Variants in PDE3B observed in about 807,000 individuals in gnomAD.
PDE3B encodes cGMP-inhibited 3',5'-cyclic phosphodiesterase 3B.
In PDE3B, 66 loss-of-function variants were observed where a neutral mutation model predicts 116.8. The observed-to-expected ratio is 0.56, with a 90% CI of 0.46 to 0.69. The LOEUF is 0.69. Among genes scored for constraint, PDE3B ranks in the 30% least tolerant of loss-of-function variants. The probability of loss-of-function intolerance (pLI) is 0.00; values close to 1 mark genes in which losing one functional copy is unlikely to be tolerated. For missense variants in PDE3B, 1,384 were observed against 1,368.1 expected, an observed-to-expected ratio of 1.01 and a Z score of -0.18; for synonymous variants, 595 against 533.6, an observed-to-expected ratio of 1.12 and a Z score of -1.59.
chr11:14,768,192 A>G (rs964037706), intron 1 of PDE3B, among the ~76,000 whole-genome samples: 1 of 151,592 alleles, frequency 6.6e-6, no homozygotes, highest in African/African-American at 2.4e-5. Context: ...TTACCTTCCT[A>G]AATTCATCTT....
Position 14,832,793 on chromosome 11 carries a change from C to A in PDE3B, c.2166C>A (p.Asn722Lys). ...IFKIPTQQFM[N>K]YFRALENGYR... ...AAATTCCCACTCAACAATTTATGAA[C>A]TATTTTCGTGCATTAGAAAATGGCT... The change falls in exon 10 of 16, where the codon AAC becomes AAA. Residue 722 changes from asparagine to lysine, a missense_variant. Physicochemically the swap from Asn to Lys is moderately conservative, Grantham distance 94 (BLOSUM62 0). Around this residue, in one of 2 missense-constraint regions of PDE3B, gnomAD observed 428 missense variants for 561.4 expected, o/e 0.76. Coordinates refer to ENST00000282096, the MANE Select transcript of PDE3B (RefSeq NM_000922.4). The A allele has an allele frequency of 6.5e-7, 1 of 1,538,428 alleles. No individual in the cohort carries two copies. The highest frequency in any genetic ancestry group is 8.9e-7 in the Non-Finnish European group (1 of 1,120,552).
chr11:14,670,243 C>T (rs186221281), intron 1 of PDE3B, among the ~76,000 whole-genome samples: 1 of 152,106 alleles, frequency 6.6e-6, no homozygotes. Context: ...TTATCTAATA[C>T]CGGCTCAGTT....
At chr11:14,880,840 T>G in the PDE3B span, 1 of 1,434,694 alleles carries the variant, frequency 7.0e-7, no homozygotes, top group East Asian at 2.5e-5. Flanking sequence ...GAACAAAATT[T>G]TTTTAATGGA....
intron 5 of PDE3B, among the ~76,000 whole-genome samples, chr11:14,807,254 A>G (rs991322432): frequency 6.6e-6 from 1 of 152,172 alleles, no homozygotes; most frequent in Non-Finnish European, 1.5e-5. Flanking sequence ...CTTAAAGTAT[A>G]ATAATAATAA....
intron 1 of PDE3B, among the ~76,000 whole-genome samples, chr11:14,697,711 A>G (rs1855251519): frequency 1.3e-5 from 2 of 152,118 alleles, no homozygotes; most frequent in Non-Finnish European, 2.9e-5. Context: ...TTGAACCATG[A>G]GCATGATATA....
intron 1 of PDE3B, among the ~76,000 whole-genome samples, chr11:14,663,255 T>G (rs960746536): frequency 1.3e-5 from 2 of 152,062 alleles, no homozygotes; most frequent in Non-Finnish European, 1.5e-5. Context: ...GACAAGCAAA[T>G]GCTGAGAGAT....
At chr11:14,849,914 G>T (rs1422010533) in intron 12 of PDE3B, among the ~76,000 whole-genome samples, 4 of 151,904 alleles carry the variant, frequency 2.6e-5, no homozygotes, top group Non-Finnish European at 5.9e-5. Flanking sequence ...TTCAACCATT[G>T]TGGAAGTCAG....
intron 12 of PDE3B, among the ~76,000 whole-genome samples, chr11:14,850,973 A>G (rs543868553): frequency 1.2e-4 from 16 of 134,940 alleles, no homozygotes; most frequent in Admixed American, 5.3e-4. Context: ...GGACTACCAC[A>G]CCCAGCTATT....
intron 1 of PDE3B, among the ~76,000 whole-genome samples, chr11:14,713,797 C>T (rs1054648342): frequency 1.3e-5 from 2 of 151,996 alleles, no homozygotes; most frequent in African/African-American, 4.8e-5. Flanking sequence ...GGAAAGGCAT[C>T]ACAGAGGAGG....
chr11:14,843,062 T>C (rs1475769766), intron 11 of PDE3B, among the ~76,000 whole-genome samples: 1 of 152,204 alleles, frequency 6.6e-6, no homozygotes, highest in East Asian at 1.9e-4. Context: ...TTCCTTCTTA[T>C]ACTTTTTAAA....
intron 1 of PDE3B, among the ~76,000 whole-genome samples, chr11:14,756,266 C>G (rs773156515): frequency 5.9e-5 from 9 of 152,028 alleles, no homozygotes; most frequent in Non-Finnish European, 1.0e-4. Flanking sequence ...GGGAGTGTAT[C>G]AGTCAGGGTC....
intron 1 of PDE3B, among the ~76,000 whole-genome samples, chr11:14,722,126 A>G (rs1856127983): frequency 6.7e-6 from 1 of 149,440 alleles, no homozygotes; most frequent in Admixed American, 6.7e-5. Flanking sequence ...ACATGGACAC[A>G]GGAAGGGGAA....
chr11:14,689,214 G>A (rs994168220), intron 1 of PDE3B, among the ~76,000 whole-genome samples: 12 of 152,072 alleles, frequency 7.9e-5, no homozygotes, highest in African/African-American at 2.9e-4. Flanking sequence ...AAAATATATC[G>A]CTGAGGGTTA....
downstream of PDE3B, among the ~76,000 whole-genome samples, chr11:14,875,022 C>T (rs187064459): frequency 6.6e-6 from 1 of 152,224 alleles, no homozygotes; most frequent in East Asian, 1.9e-4. Context: ...GCACCACCAT[C>T]TCCTTGGCAT....
chr11:14,775,099 C>T (rs1309243254), intron 2 of PDE3B: 1 of 152,122 alleles, frequency 6.6e-6, no homozygotes, highest in Non-Finnish European at 1.5e-5. Context: ...ACATCTTTTT[C>T]CCTTAACTTA....
chr11:14,795,342 T>C (rs948907674), intron 4 of PDE3B, among the ~76,000 whole-genome samples: 2 of 152,180 alleles, frequency 1.3e-5, no homozygotes, highest in African/African-American at 2.4e-5. Flanking sequence ...TAAAACCAAA[T>C]ATGTATTTCA....
chr11:14,849,272 C>T (rs1440549942), intron 12 of PDE3B, among the ~76,000 whole-genome samples: 1 of 151,546 alleles, frequency 6.6e-6, no homozygotes, highest in Non-Finnish European at 1.5e-5. Context: ...GCTGGGAAAA[C>T]TGGCTAGCCA....
At chr11:14,799,039 G>T (rs1858657598) in intron 4 of PDE3B, among the ~76,000 whole-genome samples, 1 of 152,130 alleles carries the variant, frequency 6.6e-6, no homozygotes, top group Admixed American at 6.5e-5. Flanking sequence ...GTCAATTTTA[G>T]ATCTTTCCTG....
intron 1 of PDE3B, among the ~76,000 whole-genome samples, chr11:14,662,857 G>A (rs1445252063): frequency 1.3e-5 from 2 of 152,200 alleles, no homozygotes; most frequent in African/African-American, 4.8e-5. Context: ...GTGACGGGGA[G>A]AATGGAACCA....
Sources: allele counts gnomAD v4.1 joint callset (sites outside exome capture counted in the v4.1 genomes callset), GRCh38; gene constraint gnomAD v4.1.1; regional missense constraint gnomAD v4.1.1; transcripts MANE v1.5; gene names NCBI Gene and HGNC (gene_info 2026-07-23, HGNC 2026-07-21).